MTA3: variants seen among roughly 807,000 people sequenced by gnomAD.
The protein encoded by MTA3 is metastasis-associated protein MTA3.
In MTA3, 34 loss-of-function variants were observed where a neutral mutation model predicts 83.5. The ratio of observed to expected loss-of-function variants is 0.41; its 90% CI spans 0.31 to 0.54. The LOEUF (loss-of-function observed/expected upper bound fraction) is 0.54. MTA3 is among the 20% of genes least tolerant of loss of function. The probability of loss-of-function intolerance (pLI) is 0.33; values close to 1 mark genes in which losing one functional copy is unlikely to be tolerated. For synonymous variants in MTA3, 303 were observed against 252.7 expected, an observed-to-expected ratio of 1.20 and a Z score of -1.89; for missense variants, 761 against 726.4, an observed-to-expected ratio of 1.05 and a Z score of -0.55.
intron 2 of MTA3, among the ~76,000 whole-genome samples, chr2:42,574,083 G>C (rs946561256): frequency 2.0e-5 from 3 of 150,664 alleles, no homozygotes; most frequent in Non-Finnish European, 4.4e-5. Context: ...TGATCCGCCT[G>C]CCTCGGCCTC....
intron 2 of MTA3, among the ~76,000 whole-genome samples, chr2:42,577,105 A>AAAAAAAATATATATAT (rs1211189566): frequency 6.9e-5 from 6 of 86,946 alleles, no homozygotes; most frequent in African/African-American, 2.2e-4. Flanking sequence ...AAAAAAAAAA[A>AAAAAAAATATATATAT]ATATATATAT....
At chr2:42,494,613 A>ACCCGGC (rs1244447537) in exon 1 of MTA3, 1 of 152,090 alleles carries the variant, frequency 6.6e-6, no homozygotes, top group Admixed American at 6.5e-5. Context: ...GCGGTCCCCG[A>ACCCGGC]CCCGGCCCCG....
intron 8 of MTA3, among the ~76,000 whole-genome samples, chr2:42,666,420 C>T (rs1334593390): frequency 6.6e-6 from 1 of 152,268 alleles, no homozygotes; most frequent in East Asian, 1.9e-4. Context: ...TTGAGTTTTG[C>T]CTGGCCTCTG....
At chr2:42,506,992 T>G (rs1199512917) in intron 2 of MTA3, among the ~76,000 whole-genome samples, 1 of 152,152 alleles carries the variant, frequency 6.6e-6, no homozygotes, top group African/African-American at 2.4e-5. Flanking sequence ...TACCTCGAAC[T>G]CCTAGGCTCA....
intron 5 of MTA3, 49 bp downstream of exon 5, chr2:42,640,285 T>A: frequency 7.8e-7 from 1 of 1,281,102 alleles, no homozygotes. Flanking sequence ...TTATTTCACA[T>A]GAAGCTCTTT....
intron 2 of MTA3, among the ~76,000 whole-genome samples, chr2:42,530,794 A>G (rs940520099): frequency 2.0e-5 from 3 of 152,184 alleles, no homozygotes; most frequent in Admixed American, 6.5e-5. Flanking sequence ...TGAAAAAAAG[A>G]AAAAAGAAAC....
chr2:42,729,085 A>AGTT (rs1668032508), intron 16 of MTA3, among the ~76,000 whole-genome samples: 3 of 16,024 alleles, frequency 1.9e-4, no homozygotes, highest in African/African-American at 7.5e-4. Flanking sequence ...TCACAGTTTG[A>AGTT]GTTTTTTTTT....
chr2:42,679,028 G>A (rs556671969), intron 8 of MTA3, among the ~76,000 whole-genome samples: 1 of 152,246 alleles, frequency 6.6e-6, no homozygotes, highest in African/African-American at 2.4e-5. Flanking sequence ...AACAAGGAAA[G>A]TGAGTCTCAG....
At chr2:42,514,682 C>CTTTTTTTTTTTTTTTTGTTTTTT (rs1675057489) in intron 2 of MTA3, among the ~76,000 whole-genome samples, 1 of 53,492 alleles carries the variant, frequency 1.9e-5, no homozygotes, top group Non-Finnish European at 3.1e-5. Context: ...CGCCCAGCCC[C>CTTTTTTTTTTTTTTTTGTTTTTT]TTTTTTTTTT....
intron 3 of MTA3, among the ~76,000 whole-genome samples, chr2:42,608,607 G>T (rs2104074709): frequency 6.6e-6 from 1 of 152,316 alleles, no homozygotes; most frequent in Middle Eastern, 3.4e-3. Flanking sequence ...GTGAGGTTGG[G>T]TGTGGTGGCT....
rs1010704865 is a variant in MTA3 at position 42,661,065 on chromosome 2, T to A, written c.702+1203T>A. ...GTGGAACTCCTTGCCTTTTCCTTTC[T>A]CAAAGACTAGAATTGTTCATAGAAG... On this transcript the variant is annotated intron_variant, in intron 8 of 16. Transcript: ENST00000405094. Among the ~76,000 whole-genome samples, 4 of 152,206 alleles carry A rather than the reference T, an allele frequency of 2.6e-5. No individual in the cohort carries two copies. The East Asian group carries it at 7.7e-4, about 29-fold the overall frequency.
At chr2:42,733,965 A>G (rs1192642353) in intron 16 of MTA3, among the ~76,000 whole-genome samples, 1 of 152,228 alleles carries the variant, frequency 6.6e-6, no homozygotes, top group African/African-American at 2.4e-5. Flanking sequence ...GGTCTGTCCT[A>G]TGATCCACAT....
At chr2:42,633,170 G>A (rs1476247366) in intron 4 of MTA3, among the ~76,000 whole-genome samples, 2 of 151,986 alleles carry the variant, frequency 1.3e-5, no homozygotes, top group African/African-American at 4.8e-5. Context: ...GGCTGAGGCA[G>A]GAGAATCGTT....
chr2:42,537,357 G>A (rs1052073328), intron 2 of MTA3, among the ~76,000 whole-genome samples: 23 of 151,878 alleles, frequency 1.5e-4, no homozygotes, highest in Non-Finnish European at 3.2e-4. Context: ...TGAGGTCAGG[G>A]GTTCGAGACC....
At chr2:42,664,466 CTTTTTTTTTTT>C (rs35633597) in intron 8 of MTA3, among the ~76,000 whole-genome samples, 2 of 85,746 alleles carry the variant, frequency 2.3e-5, no homozygotes, top group Admixed American at 1.5e-4. Flanking sequence ...CCCCGCTTAC[CTTTTTTTTTTT>C]TTTTTTTTTT....
At chr2:42,509,196 C>T (rs568939775) in intron 2 of MTA3, among the ~76,000 whole-genome samples, 1 of 152,104 alleles carries the variant, frequency 6.6e-6, no homozygotes, top group African/African-American at 2.4e-5. Flanking sequence ...GTGTCCACCA[C>T]CATGCCCAGC....
At chr2:42,513,172 T>C (rs1674979684) in intron 2 of MTA3, among the ~76,000 whole-genome samples, 1 of 152,218 alleles carries the variant, frequency 6.6e-6, no homozygotes, top group Non-Finnish European at 1.5e-5. Context: ...ATTTCATCTT[T>C]GTGTTGGCAA....
chr2:42,689,600 T>C (rs1391954660), intron 9 of MTA3, among the ~76,000 whole-genome samples: 2 of 152,132 alleles, frequency 1.3e-5, no homozygotes, highest in Non-Finnish European at 2.9e-5. Context: ...TTGAGTGAGT[T>C]TGGTAGTTTG....
At chr2:42,641,069 G>T (rs113754144) in intron 5 of MTA3, among the ~76,000 whole-genome samples, 1 of 151,950 alleles carries the variant, frequency 6.6e-6, no homozygotes, top group Non-Finnish European at 1.5e-5. Flanking sequence ...ACCATACCCG[G>T]CTAATTTTTG....
Sources: allele counts gnomAD v4.1 joint callset (sites outside exome capture counted in the v4.1 genomes callset), GRCh38; gene constraint gnomAD v4.1.1; transcripts MANE v1.5; gene names NCBI Gene and HGNC (gene_info 2026-07-23, HGNC 2026-07-21).